The following XIRP2 variants were observed in gnomAD, a reference collection of about 807,000 sequenced individuals.
The protein encoded by XIRP2 is xin actin-binding repeat-containing protein 2.
XIRP2 carries 236 observed loss-of-function variants against 277.0 expected under a neutral mutation model. The ratio of observed to expected loss-of-function variants is 0.85; its 90% CI spans 0.77 to 0.95. The LOEUF is 0.95. XIRP2 is among the 40% of genes least tolerant of loss of function. The pLI is 0.00. For synonymous variants in XIRP2, 1,490 were observed against 1,416.5 expected, an observed-to-expected ratio of 1.05 and a Z score of -1.17; for missense variants, 4,640 against 4,157.5, an observed-to-expected ratio of 1.12 and a Z score of -3.19.
intron 3 of XIRP2, among the ~76,000 whole-genome samples, chr2:167,204,005 C>T (rs1324155846): frequency 6.6e-6 from 1 of 151,842 alleles, no homozygotes; most frequent in Non-Finnish European, 1.5e-5. Flanking sequence ...TTTAATGCAT[C>T]CAGAATAAAG....
intron 2 of XIRP2, among the ~76,000 whole-genome samples, chr2:166,928,797 A>G (rs150439418): frequency 6.6e-6 from 1 of 152,214 alleles, no homozygotes; most frequent in South Asian, 2.1e-4. Context: ...CTCATGGGGA[A>G]AGACTGTCAA....
chr2:166,979,113 G>T (rs1686793023), intron 2 of XIRP2, among the ~76,000 whole-genome samples: 1 of 151,954 alleles, frequency 6.6e-6, no homozygotes, highest in Non-Finnish European at 1.5e-5. Flanking sequence ...TTTTTATTTT[G>T]TACAGTTAAT....
rs780421213 is a variant in XIRP2 at position 167,258,865 on chromosome 2, G to A, written c.*1048G>A. On this transcript the variant is annotated 3_prime_UTR_variant, in exon 11 of 11. Coordinates refer to ENST00000409195, the MANE Select transcript of XIRP2 (RefSeq NM_152381.6). ...TTGAATCTGAAAAGACTTATTCGAGGAATGTACTAGCAATGGCTCTGAAGA... is the reference window on the plus strand; with the variant it reads ...TTGAATCTGAAAAGACTTATTCGAGAAATGTACTAGCAATGGCTCTGAAGA... The A allele has an allele frequency of 1.9e-6, 3 of 1,613,164 alleles. No homozygotes were observed. Among genetic ancestry groups the A allele is most frequent in the East Asian group, 4.5e-5 (2 of 44,808 alleles).
intron 3 of XIRP2, among the ~76,000 whole-genome samples, chr2:167,155,415 A>G (rs915604761): frequency 8.6e-5 from 13 of 151,814 alleles, no homozygotes; most frequent in African/African-American, 2.9e-4. Flanking sequence ...AGTGGGCTTC[A>G]TCCCTGGGAT....
intron 3 of XIRP2, among the ~76,000 whole-genome samples, chr2:167,197,936 C>T (rs1459022575): frequency 1.3e-5 from 2 of 152,104 alleles, no homozygotes; most frequent in Non-Finnish European, 2.9e-5. Flanking sequence ...ATTTGAATAA[C>T]ATTTAATAAA....
intron 2 of XIRP2, among the ~76,000 whole-genome samples, chr2:167,112,431 C>T (rs58966672): frequency 0.097 from 14,699 of 151,218 alleles, 1,374 homozygotes; most frequent in African/African-American, 0.24. Flanking sequence ...AAAGTCATTC[C>T]GGAGCATTCA....
chr2:167,246,371 A>G lies in XIRP2; in HGVS notation c.4979A>G (p.Gln1660Arg), dbSNP rs997682955. The G allele has an allele frequency of 9.3e-6, 15 of 1,613,302 alleles. No individual in the cohort carries two copies. Among genetic ancestry groups the G allele is most frequent in the South Asian group, 2.2e-5 (2 of 90,990 alleles). The change falls in exon 9 of 11, where the codon CAA becomes CGA. Residue 1660 changes from glutamine (Q) to arginine (R), a missense_variant. Physicochemically the swap from Gln to Arg is conservative, Grantham distance 43. Transcript: ENST00000409195. The part of the protein sequence containing the change: ...EKEEIVKGDV[Q>R]QAIKNLFSEE... ...GAAGAGATAGTGAAAGGTGATGTACAACAAGCAATAAAAAACCTGTTCTCT... is the reference window on the plus strand; with the variant it reads ...GAAGAGATAGTGAAAGGTGATGTACGACAAGCAATAAAAAACCTGTTCTCT...
chr2:167,145,318 CA>C (rs1357580157), intron 3 of XIRP2, among the ~76,000 whole-genome samples: 1 of 151,894 alleles, frequency 6.6e-6, no homozygotes, highest in Non-Finnish European at 1.5e-5. Context: ...TTTTCCCCAC[CA>C]AATGGAAGGG....
intron 2 of XIRP2, among the ~76,000 whole-genome samples, chr2:166,936,957 T>A (rs150796030): frequency 1.3e-5 from 2 of 152,210 alleles, no homozygotes; most frequent in Non-Finnish European, 2.9e-5. Flanking sequence ...AAGAAAGTTA[T>A]TGGTAGCTTA....
At chr2:167,044,852 A>T (rs1214508235) in intron 2 of XIRP2, among the ~76,000 whole-genome samples, 1 of 152,080 alleles carries the variant, frequency 6.6e-6, no homozygotes, top group Admixed American at 6.6e-5. Flanking sequence ...ATTCGATGCT[A>T]TTCCTATCAA....
intron 1 of XIRP2, among the ~76,000 whole-genome samples, chr2:166,895,456 G>A (rs1684218259): frequency 6.6e-6 from 1 of 152,102 alleles, no homozygotes; most frequent in Non-Finnish European, 1.5e-5. Context: ...GGATAAATAA[G>A]GTGGTAGGTG....
intron 2 of XIRP2, among the ~76,000 whole-genome samples, chr2:166,984,226 C>CAA (rs1686944759): frequency 6.6e-6 from 1 of 152,128 alleles, no homozygotes. Flanking sequence ...ATTATTCTAC[C>CAA]AAGTCTTCAA....
At chr2:166,946,203 G>A (rs1170098853) in intron 2 of XIRP2, among the ~76,000 whole-genome samples, 1 of 152,150 alleles carries the variant, frequency 6.6e-6, no homozygotes, top group African/African-American at 2.4e-5. Flanking sequence ...GCTAAAAGGA[G>A]AGTATCCTGA....
At chr2:167,070,872 A>G (rs1558968612) in intron 2 of XIRP2, among the ~76,000 whole-genome samples, 2 of 152,210 alleles carry the variant, frequency 1.3e-5, no homozygotes, top group Non-Finnish European at 2.9e-5. Context: ...AGGAAACAAC[A>G]TGTAATACTA....
chr2:167,023,331 G>A (rs1235324115), intron 2 of XIRP2, among the ~76,000 whole-genome samples: 3 of 151,990 alleles, frequency 2.0e-5, no homozygotes, highest in Non-Finnish European at 4.4e-5. Flanking sequence ...ATTTGTTTGA[G>A]TTCATTATAG....
At chr2:167,186,464 G>T (rs1693157973) in intron 3 of XIRP2, among the ~76,000 whole-genome samples, 1 of 152,144 alleles carries the variant, frequency 6.6e-6, no homozygotes, top group Non-Finnish European at 1.5e-5. Flanking sequence ...TTCTTTATTT[G>T]AGTTTGTCGT....
intron 2 of XIRP2, among the ~76,000 whole-genome samples, chr2:166,965,052 G>A (rs1461709013): frequency 1.3e-5 from 2 of 151,772 alleles, no homozygotes; most frequent in African/African-American, 4.8e-5. Flanking sequence ...AAAGCAAGAG[G>A]GAGACTACTA....
chr2:167,159,032 G>C (rs754594530), intron 3 of XIRP2, among the ~76,000 whole-genome samples: 1 of 152,102 alleles, frequency 6.6e-6, no homozygotes, highest in Non-Finnish European at 1.5e-5. Flanking sequence ...TTCCTCCAAG[G>C]CTAGGATTCA....
chr2:167,054,688 A>AC (rs1322190749), intron 2 of XIRP2, among the ~76,000 whole-genome samples: 1 of 151,696 alleles, frequency 6.6e-6, no homozygotes, highest in African/African-American at 2.4e-5. Flanking sequence ...AGTCGCAAAA[A>AC]AAAAAAAAAA....
Sources: gnomAD v4.1 joint callset for allele counts (sites outside exome capture counted in the v4.1 genomes callset) on GRCh38, gnomAD v4.1.1 for gene constraint, MANE v1.5 for transcripts, NCBI Gene and HGNC (gene_info 2026-07-23, HGNC 2026-07-21) for gene names.